Variants in GHR observed in about 807,000 individuals in gnomAD.
The protein encoded by GHR is GH receptor.
GHR carries 35 observed loss-of-function variants against 67.1 expected under a neutral mutation model. The observed-to-expected ratio is 0.52, with a 90% CI of 0.40 to 0.69. The LOEUF is 0.69. GHR is among the 30% of genes least tolerant of loss of function. The probability of loss-of-function intolerance (pLI) is 0.00; values close to 1 mark genes in which losing one functional copy is unlikely to be tolerated. For synonymous variants in GHR, 272 were observed against 269.1 expected (o/e 1.01, Z -0.10); for missense variants, 792 against 764.6 (o/e 1.04, Z -0.42).
chr5:42,704,438 C>T (rs921763649), intron 6 of GHR, among the ~76,000 whole-genome samples: 2 of 151,862 alleles, frequency 1.3e-5, no homozygotes, highest in African/African-American at 4.8e-5. Context: ...TTTTAGTGTG[C>T]TTTTGAGTTA....
intron 4 of GHR, among the ~76,000 whole-genome samples, chr5:42,691,763 C>T (rs1420091942): frequency 2.0e-5 from 3 of 152,068 alleles, no homozygotes; most frequent in Admixed American, 1.3e-4. Flanking sequence ...TGCTCCTTGC[C>T]AGGTGGCTGG....
chr5:42,681,435 G>A (rs1419615189), intron 3 of GHR, among the ~76,000 whole-genome samples: 7 of 152,148 alleles, frequency 4.6e-5, no homozygotes, highest in South Asian at 4.1e-4. Flanking sequence ...TTAGAATGGC[G>A]ATCGTTAAAA....
intron 3 of GHR, among the ~76,000 whole-genome samples, chr5:42,633,136 TC>T (rs1237545350): frequency 6.6e-6 from 1 of 152,176 alleles, no homozygotes; most frequent in Non-Finnish European, 1.5e-5. Context: ...GGGAGATTTT[TC>T]CCCTATTTTT....
At position 42,511,691 on chromosome 5, in the gene GHR, G is replaced by GGT. The variant is rs149170179; in HGVS notation, c.-11-54158_-11-54157dup. On this transcript the variant is annotated intron_variant, in intron 1 of 9. Coordinates refer to ENST00000230882, the MANE Select transcript of GHR (RefSeq NM_000163.5). ...TACTGATTTTGTTTATGTGTTTGCAGGTGTGTGTGTGTGTGTTTGTGTGAA... is the reference window on the plus strand; with the variant it reads ...TACTGATTTTGTTTATGTGTTTGCAGGTGTGTGTGTGTGTGTGTTTGTGTGAA... 1.3e-3 allele frequency among the ~76,000 whole-genome samples: 193 copies of GGT among 151,418 alleles called. 1 individual carries two copies. Among genetic ancestry groups the GGT allele is most frequent in the East Asian group, 3.5e-3 (18 of 5,174 alleles).
At chr5:42,467,421 A>C in intron 1 of GHR, 1 of 939,684 alleles carries the variant, frequency 1.1e-6, no homozygotes, top group Non-Finnish European at 1.7e-6. Flanking sequence ...GGTGGACAAT[A>C]TGGTTTGAGC....
In GHR at chr5:42,614,559, A is replaced by ATTTTTTTTTTTTTTT. The variant is rs553365880; in HGVS notation, c.71-14461_71-14447dup. The stretch of plus-strand genomic sequence containing the variant: ...GCAAGCTTTATAGGCCATAGAGGAC[A>ATTTTTTTTTTTTTTT]TTTTTTTTTTTTTTTTTTTTTTTTT... On this transcript the variant is annotated intron_variant, in intron 2 of 9. Transcript: ENST00000230882. 2.6e-4 allele frequency among the ~76,000 whole-genome samples: 17 copies of ATTTTTTTTTTTTTTT among 65,408 alleles called. 1 individual carries two copies. The highest frequency in any genetic ancestry group is 1.7e-3 in the South Asian group (2 of 1,208). The allele number at this position is 65,408 out of a possible 152,430, so 42.9% of individuals were successfully genotyped here.
intron 3 of GHR, among the ~76,000 whole-genome samples, chr5:42,665,595 G>T (rs1755919197): frequency 6.6e-6 from 1 of 152,012 alleles, no homozygotes; most frequent in African/African-American, 2.4e-5. Flanking sequence ...GGGGACTGTT[G>T]TGGGGGTGGA....
chr5:42,650,794 A>G (rs1412324067), intron 3 of GHR, among the ~76,000 whole-genome samples: 1 of 151,978 alleles, frequency 6.6e-6, no homozygotes, highest in Non-Finnish European at 1.5e-5. Flanking sequence ...GGGATCCTGA[A>G]CCAGATTCCC....
intron 1 of GHR, among the ~76,000 whole-genome samples, chr5:42,537,922 C>T (rs1009785228): frequency 2.0e-5 from 3 of 152,192 alleles, no homozygotes; most frequent in Admixed American, 6.5e-5. Flanking sequence ...CCCTGTTTGT[C>T]TCTTTTAACT....
At position 42,456,226 on chromosome 5, in the gene GHR, G is replaced by A. The variant is rs556358865; in HGVS notation, c.-12+32271G>A. Among the ~76,000 whole-genome samples, 11 of 152,312 alleles carry A rather than the reference G, an allele frequency of 7.2e-5. No individual in the cohort carries two copies. In the South Asian group the frequency reaches 2.1e-3, roughly 29 times the overall value. The stretch of plus-strand genomic sequence containing the variant: ...CTCAGGAGGCTGAGGCAGGAGAATC[G>A]CTTGAACCTGGGAGGCGGAGGTGGC... On this transcript the variant is annotated intron_variant, in intron 1 of 9. Coordinates refer to ENST00000230882, the MANE Select transcript of GHR (RefSeq NM_000163.5).
At chr5:42,478,194 A>T (rs542850879) in intron 1 of GHR, among the ~76,000 whole-genome samples, 7 of 152,276 alleles carry the variant, frequency 4.6e-5, no homozygotes, top group African/African-American at 1.7e-4. Context: ...AGATAGTTGT[A>T]GATATGCGGC....
chr5:42,477,987 G>A (rs1371279662), intron 1 of GHR, among the ~76,000 whole-genome samples: 3 of 151,538 alleles, frequency 2.0e-5, no homozygotes, highest in Non-Finnish European at 4.4e-5. Context: ...GTATTGCCTC[G>A]GTTTTCTTCT....
In GHR at chr5:42,599,386, C is replaced by G. The variant is rs1241064761; in HGVS notation, c.71-29652C>G. Among the ~76,000 whole-genome samples the G allele has an allele frequency of 2.7e-5, 3 of 109,678 alleles. No individual in the cohort carries two copies. The East Asian group carries it at 7.5e-4, about 27-fold the overall frequency. 72.0% of individuals were successfully genotyped at this position (109,678 alleles called of 152,430 possible). A position where few individuals can be genotyped will look rare whatever the true frequency, so the allele number is the denominator to read the frequency against. ...TTTTTTTTTTTTTTTTTTTTTGAGA[C>G]AGAGTTCACTCTGTCACCCAGGCCG... On this transcript the variant is annotated intron_variant, in intron 2 of 9. Transcript: ENST00000230882.
intron 3 of GHR, among the ~76,000 whole-genome samples, chr5:42,679,845 G>A (rs1016844333): frequency 1.3e-5 from 2 of 152,108 alleles, no homozygotes; most frequent in African/African-American, 4.8e-5. Flanking sequence ...CCCCAAAGAA[G>A]CCGTAGTTGC....
chr5:42,429,312 G>T (rs965410405), intron 1 of GHR, among the ~76,000 whole-genome samples: 3 of 152,086 alleles, frequency 2.0e-5, no homozygotes, highest in African/African-American at 7.2e-5. Flanking sequence ...CGCCCTCTTG[G>T]TTCAATGACC....
chr5:42,540,472 AG>A (rs1307405728), intron 1 of GHR, among the ~76,000 whole-genome samples: 6 of 152,194 alleles, frequency 3.9e-5, no homozygotes, highest in African/African-American at 1.2e-4. Context: ...TCTAGGAATA[AG>A]GATTGTCCAT....
chr5:42,594,110 A>G (rs1751940088), intron 2 of GHR, among the ~76,000 whole-genome samples: 1 of 152,190 alleles, frequency 6.6e-6, no homozygotes, highest in Non-Finnish European at 1.5e-5. Context: ...ACAGTTTGTC[A>G]GCAATGTACT....
At chr5:42,485,700 T>C (rs1211826920) in intron 1 of GHR, among the ~76,000 whole-genome samples, 2 of 152,232 alleles carry the variant, frequency 1.3e-5, no homozygotes, top group African/African-American at 4.8e-5. Flanking sequence ...AATCAAACTG[T>C]CATTCCAGGG....
At chr5:42,694,616 A>T (rs1352519176) in intron 4 of GHR, among the ~76,000 whole-genome samples, 2 of 152,184 alleles carry the variant, frequency 1.3e-5, no homozygotes, top group Non-Finnish European at 1.5e-5. Context: ...ACCTTCATCT[A>T]TACAACTGGC....
Sources: allele counts gnomAD v4.1 joint callset (sites outside exome capture counted in the v4.1 genomes callset), GRCh38; gene constraint gnomAD v4.1.1; transcripts MANE v1.5; gene names NCBI Gene and HGNC (gene_info 2026-07-23, HGNC 2026-07-21).